The following TDRD9 variants were observed in gnomAD, a reference collection of about 807,000 sequenced individuals.
The protein encoded by TDRD9 is ATP-dependent RNA helicase TDRD9.
Under a neutral mutation model 172.6 loss-of-function variants are expected in TDRD9, and 124 were observed. The observed-to-expected ratio is 0.72, with a 90% CI of 0.62 to 0.83. TDRD9 has a LOEUF of 0.83. Ranked by LOEUF, TDRD9 falls within the 40% of genes least tolerant of loss-of-function variation. The pLI, the probability that TDRD9 is intolerant of heterozygous loss-of-function variation, is 0.00. For missense variants in TDRD9, 1,479 were observed against 1,714.1 expected (o/e 0.86, Z 2.42); for synonymous variants, 619 against 617.1 (o/e 1.00, Z -0.05).
At chr14:103,952,253 T>C (rs2031965411) in intron 1 of TDRD9, among the ~76,000 whole-genome samples, 1 of 66,650 alleles carries the variant, frequency 1.5e-5, no homozygotes, top group African/African-American at 6.1e-5. Flanking sequence ...TTTTTTTTTT[T>C]TTTTTGAGGC....
chr14:104,035,985 CT>C (rs1019622649), intron 32 of TDRD9, among the ~76,000 whole-genome samples: 65 of 146,192 alleles, frequency 4.4e-4, no homozygotes, highest in South Asian at 8.7e-4. Flanking sequence ...ATGTGTAGTG[CT>C]TTTTTTTTTA....
intron 22 of TDRD9, 31 bp downstream of exon 22, chr14:104,016,119 G>A: frequency 7.0e-7 from 1 of 1,427,110 alleles, no homozygotes. Context: ...GTCCTCTCTG[G>A]GGTGTGGTGG....
chr14:103,992,367 AT>A (rs1277890934), intron 9 of TDRD9, among the ~76,000 whole-genome samples: 1 of 152,254 alleles, frequency 6.6e-6, no homozygotes, highest in African/African-American at 2.4e-5. Flanking sequence ...AATGCAACAT[AT>A]GAGTTTCAAA....
rs2034730392 is a variant in TDRD9, at chr14:104,014,728, G to C, written c.2110G>C (p.Ala704Pro). ...GATTTCAATGTATTTTTCTTAGGTG[G>C]CTGAATTATATGAAGAATTGAAGAC... is the stretch of plus-strand genomic sequence containing the variant. ...YIQIKRIREVAELYEELKTRI... is the reference protein window; with the variant it reads ...YIQIKRIREVPELYEELKTRI... Residue 704 changes from alanine to proline, a missense_variant, in exon 21 of 36, where the codon GCT becomes CCT. This residue lies in a region of TDRD9 where 1,413 missense variants were observed against 1,649.1 expected (regional missense o/e 0.86). Coordinates refer to ENST00000409874, the MANE Select transcript of TDRD9 (RefSeq NM_153046.3). 2 of 1,588,040 alleles carry C rather than the reference G, an allele frequency of 1.3e-6. No individual in the cohort carries two copies. The highest frequency in any genetic ancestry group is 3.3e-5 in the Admixed American group (2 of 59,758).
intron 1 of TDRD9, among the ~76,000 whole-genome samples, chr14:103,943,070 TTA>T (rs2031335984): frequency 6.6e-6 from 1 of 152,104 alleles, no homozygotes; most frequent in Non-Finnish European, 1.5e-5. Flanking sequence ...GATGAAAAAC[TTA>T]TATTTACTAT....
chr14:104,049,886 G>T (rs1247208611), intron 35 of TDRD9: 2 of 513,372 alleles, frequency 3.9e-6, no homozygotes, highest in East Asian at 6.2e-5. Flanking sequence ...TGATGTCCCG[G>T]CAAAGAGTCA....
At chr14:103,930,344 C>T (rs1326213555) in intron 1 of TDRD9, among the ~76,000 whole-genome samples, 5 of 152,136 alleles carry the variant, frequency 3.3e-5, no homozygotes, top group East Asian at 3.8e-4. Flanking sequence ...TGTGCCACCA[C>T]GCCCAGCTTA....
chr14:103,970,746 G>C, intron 6 of TDRD9, 125 bp downstream of exon 6: 1 of 715,054 alleles, frequency 1.4e-6, no homozygotes, highest in Middle Eastern at 3.8e-4. Flanking sequence ...ACTAAAATCT[G>C]AGGATCCTCA....
chr14:103,934,802 G>A (rs1300672195), intron 1 of TDRD9, among the ~76,000 whole-genome samples: 1 of 152,232 alleles, frequency 6.6e-6, no homozygotes, highest in African/African-American at 2.4e-5. Context: ...GACAGGAGCA[G>A]GGTGGTCAGG....
At position 104,008,446 on chromosome 14, in the gene TDRD9, C is replaced by A; in HGVS notation, c.2086C>A (p.Gln696Lys). The change falls in exon 20 of 36, where the codon CAA (glutamine) becomes AAA (lysine). Residue 696 changes from glutamine to lysine, a missense_variant. Transcript: ENST00000409874. Reference sequence around the variant, plus strand: ...TAATTGGGGACGGTTAAATTACATTCAAATCAAGAGAATTAGAGAGGTAAG... The same window carrying A: ...TAATTGGGGACGGTTAAATTACATTAAAATCAAGAGAATTAGAGAGGTAAG... Reference protein sequence around the residue: ...ELNWGRLNYIQIKRIREVAEL... With the variant: ...ELNWGRLNYIKIKRIREVAEL... 1 of 1,564,754 alleles carries A rather than the reference C, an allele frequency of 6.4e-7. No homozygotes were observed. The highest frequency in any genetic ancestry group is 1.1e-5 in the South Asian group (1 of 89,164).
intron 2 of TDRD9, among the ~76,000 whole-genome samples, chr14:103,957,408 T>C (rs1428552460): frequency 6.6e-6 from 1 of 152,216 alleles, no homozygotes; most frequent in African/African-American, 2.4e-5. Flanking sequence ...AGGAAGGAGA[T>C]TTGTCTGAAC....
Position 103,970,544 on chromosome 14 carries a change from C to G in TDRD9, c.769C>G (p.His257Asp). The G allele has an allele frequency of 6.4e-7, 1 of 1,551,350 alleles. No homozygotes were observed. Among genetic ancestry groups the G allele is most frequent in the Non-Finnish European group, 8.7e-7 (1 of 1,146,698 alleles). The change falls in exon 6 of 36, where the codon CAC (histidine) becomes GAC (aspartate). Residue 257 changes from histidine (H) to aspartate (D), a missense_variant. His to Asp is a moderately conservative substitution (Grantham distance 81). Coordinates refer to ENST00000409874, the MANE Select transcript of TDRD9 (RefSeq NM_153046.3). ...TGCCCCCTTTTTTATTTTGTAGGTA[C>G]ACGAACGAACAGAAGAAATGGATTT... is the stretch of plus-strand genomic sequence containing the variant. The part of the protein sequence containing the change: ...EFTHIIIDEV[H>D]ERTEEMDFLL...
At chr14:103,953,530 C>T (rs568216362) in intron 1 of TDRD9, among the ~76,000 whole-genome samples, 1 of 149,460 alleles carries the variant, frequency 6.7e-6, no homozygotes, top group East Asian at 2.0e-4. Context: ...TTGGTGATGA[C>T]ACTTGGTGCA....
chr14:104,046,569 A>G (rs182147209), intron 34 of TDRD9, among the ~76,000 whole-genome samples: 3 of 152,280 alleles, frequency 2.0e-5, no homozygotes, highest in Non-Finnish European at 2.9e-5. Context: ...GTTTTGTTCA[A>G]TTACTTTATA....
At chr14:104,049,958 C>T in intron 35 of TDRD9, 2 of 361,974 alleles carry the variant, frequency 5.5e-6, no homozygotes, top group Non-Finnish European at 1.0e-5. Flanking sequence ...CTGGATTGAA[C>T]CTTCCTGCTC....
rs3783312 is a variant in TDRD9, at chr14:104,052,288, A to G, written c.*206A>G. On this transcript the variant is annotated 3_prime_UTR_variant, in exon 36 of 36. Transcript: ENST00000409874. Reference sequence around the variant, plus strand: ...TCAGGTGGGAAGGATTGGAAACTCTAGTCTTTTCTAGAAACAGAAAATCAC... The same window carrying G: ...TCAGGTGGGAAGGATTGGAAACTCTGGTCTTTTCTAGAAACAGAAAATCAC... 19,758 of 378,950 alleles carry G rather than the reference A, an allele frequency of 0.052. 627 individuals carry two copies. Among genetic ancestry groups the G allele is most frequent in the Middle Eastern group, 0.07 (94 of 1,336 alleles). 23.5% of individuals were successfully genotyped at this position (378,950 alleles called of 1,614,324 possible). A position where few individuals can be genotyped will look rare whatever the true frequency, so the allele number is the denominator to read the frequency against.
In TDRD9 at chr14:104,040,317, G is replaced by C. The variant is rs200721758; in HGVS notation, c.3838G>C (p.Val1280Leu). The change falls in exon 33 of 36, where the codon GTG (valine) becomes CTG (leucine). Residue 1280 changes from valine to leucine, a missense_variant. By Grantham distance (32) the Val-to-Leu change is conservative. This residue lies in a region of TDRD9 where 1,413 missense variants were observed against 1,649.1 expected (regional missense o/e 0.86). Coordinates refer to ENST00000409874, the MANE Select transcript of TDRD9 (RefSeq NM_153046.3). ...GCTTGCGTTTGACGTTCAATTCAGC[G>C]TGGAGGATGTCGTCGAGGTAAGGGT... ...MELAFDVQFS[V>L]EDVVEVNILR... The C allele has an allele frequency of 1.2e-5, 18 of 1,550,560 alleles. No individual in the cohort carries two copies. Among genetic ancestry groups the C allele is most frequent in the Non-Finnish European group, 1.4e-5 (16 of 1,146,346 alleles).
chr14:104,006,803 C>A lies in TDRD9; in HGVS notation c.1965C>A (p.Gly655=), dbSNP rs563924046. ...DGYRNKVNFS[G]SSKSDCIALV... is the part of the protein sequence containing the mutation. ...ATAGGAACAAAGTGAATTTCTCTGGCAGTAGCAAGAGTGACTGTATTGCAC... is the reference window on the plus strand; with the variant it reads ...ATAGGAACAAAGTGAATTTCTCTGGAAGTAGCAAGAGTGACTGTATTGCAC... The change falls in exon 18 of 36, where the codon GGC becomes GGA. Residue 655 remains glycine (G), a synonymous_variant. Transcript: ENST00000409874. 5 of 1,613,480 alleles carry A rather than the reference C, an allele frequency of 3.1e-6. No individual in the cohort carries two copies. The South Asian group carries it at 5.5e-5, about 18-fold the overall frequency.
chr14:103,957,092 T>G (rs1276932218), intron 2 of TDRD9, among the ~76,000 whole-genome samples: 1 of 152,214 alleles, frequency 6.6e-6, no homozygotes, highest in African/African-American at 2.4e-5. Flanking sequence ...TGGGATTGAT[T>G]TAGGCTTCTT....
Sources: gnomAD v4.1 joint callset for allele counts (sites outside exome capture counted in the v4.1 genomes callset) on GRCh38, gnomAD v4.1.1 for gene constraint, gnomAD v4.1.1 regional missense constraint, MANE v1.5 for transcripts, NCBI Gene and HGNC (gene_info 2026-07-23, HGNC 2026-07-21) for gene names.